The following UNC79 variants were observed in gnomAD, a reference collection of about 807,000 sequenced individuals.
The protein encoded by UNC79 is protein unc-79 homolog.
Under a neutral mutation model 283.1 loss-of-function variants are expected in UNC79, and 37 were observed. That is an observed-to-expected ratio of 0.13 (90% CI 0.10 to 0.17). The LOEUF (loss-of-function observed/expected upper bound fraction) is 0.17, where lower values mean the gene tolerates loss of function less well. Among genes scored for constraint, UNC79 ranks in the 10% least tolerant of loss-of-function variants. The probability of loss-of-function intolerance (pLI) is 1.00; values close to 1 mark genes in which losing one functional copy is unlikely to be tolerated. For synonymous variants in UNC79, 1,107 were observed against 1,200.2 expected (o/e 0.92, Z 1.61); for missense variants, 2,272 against 3,211.1 (o/e 0.71, Z 7.07).
chr14:93,385,773 T>TC lies in UNC79; in HGVS notation c.-351+52254dup, dbSNP rs111459551. Reference sequence around the variant, plus strand: ...CAGCCTGGGTGATGGAGCAAGACTGTCCCCAAAAAAAAAAAAAAAAGATAC... The same window carrying TC: ...CAGCCTGGGTGATGGAGCAAGACTGTCCCCCAAAAAAAAAAAAAAAAGATAC... On this transcript the variant is annotated intron_variant, in intron 1 of 49. Transcript: ENST00000256339. Among the ~76,000 whole-genome samples, 10 of 138,220 alleles carry TC rather than the reference T, an allele frequency of 7.2e-5. No individual in the cohort carries two copies. In the South Asian group the frequency reaches 1.8e-3, roughly 25 times the overall value. The allele number at this position is 138,220 out of a possible 152,430, so 90.7% of individuals were successfully genotyped here.
chr14:93,621,480 ACTTGGCC>A lies in UNC79; in HGVS notation c.4388-140_4388-134del. The A allele has an allele frequency of 9.0e-7, 1 of 1,109,924 alleles. No individual in the cohort carries two copies. Among genetic ancestry groups the A allele is most frequent in the South Asian group, 2.3e-5 (1 of 43,134 alleles). 68.8% of individuals were successfully genotyped at this position (1,109,924 alleles called of 1,614,324 possible). A position where few individuals can be genotyped will look rare whatever the true frequency, so the allele number is the denominator to read the frequency against. On this transcript the variant is annotated intron_variant, in intron 29 of 48. Coordinates refer to ENST00000555664, the Ensembl canonical transcript of UNC79. The surrounding 1 kb of genome is among the most constrained non-coding windows in gnomAD (Gnocchi z 4.8). ...TGAAATTAGAACGAACCTTACAAAAACTTGGCCAGAAAGTTCGTTTTCCCTCCTGGTG... is the reference window on the plus strand; with the variant it reads ...TGAAATTAGAACGAACCTTACAAAAAAGAAAGTTCGTTTTCCCTCCTGGTG...
intron 35 of UNC79, among the ~76,000 whole-genome samples, chr14:93,648,753 T>C (rs1690199354): frequency 6.6e-6 from 1 of 152,164 alleles, no homozygotes. Context: ...TTAACCTGAT[T>C]ATGCACATAG....
intron 1 of UNC79, among the ~76,000 whole-genome samples, chr14:93,378,469 AGT>A (rs2054603837): frequency 6.6e-6 from 1 of 152,132 alleles, no homozygotes; most frequent in Admixed American, 6.5e-5. Flanking sequence ...TAGGACCAGA[AGT>A]GTTTCAGATT....
chr14:93,458,187 G>A (rs527858510), intron 1 of UNC79, among the ~76,000 whole-genome samples: 19 of 152,116 alleles, frequency 1.2e-4, no homozygotes, highest in Non-Finnish European at 2.2e-4. Flanking sequence ...GCTTTATGTC[G>A]TGCAAGAAGA....
intron 1 of UNC79, among the ~76,000 whole-genome samples, chr14:93,350,897 A>G (rs1346689083): frequency 2.6e-5 from 4 of 152,228 alleles, no homozygotes; most frequent in African/African-American, 7.2e-5. Context: ...TAAAAAAGCA[A>G]TGTTTACCTC....
intron 7 of UNC79, among the ~76,000 whole-genome samples, chr14:93,518,547 A>G (rs1172636351): frequency 2.6e-5 from 4 of 151,674 alleles, no homozygotes; most frequent in Non-Finnish European, 4.4e-5. Flanking sequence ...TCTGATTTCA[A>G]TTTCATTGAT....
intron 7 of UNC79, among the ~76,000 whole-genome samples, chr14:93,513,644 TTTA>T (rs1419107331): frequency 4.6e-5 from 7 of 152,146 alleles, no homozygotes. Flanking sequence ...ACCTCAAGGA[TTTA>T]TTATTTCTAT....
chr14:93,499,269 T>C (rs1367826755), intron 7 of UNC79, among the ~76,000 whole-genome samples: 1 of 152,186 alleles, frequency 6.6e-6, no homozygotes, highest in Non-Finnish European at 1.5e-5. Context: ...AGTGAATGAT[T>C]TGAATGTAAA....
chr14:93,671,374 G>A (rs1280441988), intron 40 of UNC79, among the ~76,000 whole-genome samples: 1 of 152,142 alleles, frequency 6.6e-6, no homozygotes, highest in Non-Finnish European at 1.5e-5. Flanking sequence ...TGTATAGGTA[G>A]CTTCAGCTGT....
chr14:93,354,001 G>T (rs911426458), intron 1 of UNC79, among the ~76,000 whole-genome samples: 1 of 152,182 alleles, frequency 6.6e-6, no homozygotes, highest in African/African-American at 2.4e-5. Context: ...TTAAACTGGG[G>T]GAGGAGGGAG....
chr14:93,484,180 TC>T (rs968984859), intron 4 of UNC79, among the ~76,000 whole-genome samples: 46 of 152,204 alleles, frequency 3.0e-4, no homozygotes, highest in African/African-American at 1.1e-3. Flanking sequence ...CCACATCCTC[TC>T]CAGCACCTGT....
chr14:93,701,071 C>A lies in UNC79; in HGVS notation c.7549-3554C>A, dbSNP rs928212431. Among the ~76,000 whole-genome samples, 3 of 152,138 alleles carry A rather than the reference C, an allele frequency of 2.0e-5. No individual in the cohort carries two copies. In the East Asian group the frequency reaches 5.8e-4, roughly 29 times the overall value. ...GAAAACTGTAGTCACTTTGACCTCC[C>A]AGGGCTCCTGGCTACCTCTCCTCAC... On this transcript the variant is annotated intron_variant, in intron 47 of 48. Transcript: ENST00000555664.
At chr14:93,549,899 A>G (rs1191401112) in intron 14 of UNC79, among the ~76,000 whole-genome samples, 2 of 152,240 alleles carry the variant, frequency 1.3e-5, no homozygotes, top group East Asian at 3.8e-4. Context: ...CAAACTTAGA[A>G]TATGTAAGAA....
chr14:93,446,992 G>C (rs1333813616), intron 1 of UNC79, among the ~76,000 whole-genome samples: 1 of 152,098 alleles, frequency 6.6e-6, no homozygotes, highest in Non-Finnish European at 1.5e-5. Context: ...GCAGTCTTTA[G>C]ATTATGGAAT....
intron 1 of UNC79, among the ~76,000 whole-genome samples, chr14:93,340,441 C>CAAAAAAAAAA: frequency 1.6e-5 from 1 of 64,446 alleles, no homozygotes; most frequent in Non-Finnish European, 3.1e-5. Flanking sequence ...AACGCTGTCT[C>CAAAAAAAAAA]AAAAAAAAAA....
intron 1 of UNC79, among the ~76,000 whole-genome samples, chr14:93,345,942 A>T (rs1442955147): frequency 6.6e-6 from 1 of 151,352 alleles, no homozygotes; most frequent in East Asian, 1.9e-4. Context: ...CAAAGGAATG[A>T]CAACTATATT....
chr14:93,432,313 A>G (rs114625378), intron 1 of UNC79, among the ~76,000 whole-genome samples: 1 of 152,130 alleles, frequency 6.6e-6, no homozygotes, highest in Non-Finnish European at 1.5e-5. Flanking sequence ...TTACTTCTTT[A>G]TGTTTTTTTG....
In UNC79 at chr14:93,496,119, C is replaced by G. The variant is rs112248608; in HGVS notation, c.713-292C>G. Among the ~76,000 whole-genome samples, 1,336 of 152,154 alleles carry G rather than the reference C, an allele frequency of 8.8e-3. 26 individuals are homozygous for G. The highest frequency in any genetic ancestry group is 0.03 in the African/African-American group (1,266 of 41,528). ...GGCTAGTTTTTTTTCTTATGTAGAT[C>G]TTATGTTGATACAAGTTTATTTTAT... On this transcript the variant is annotated intron_variant, in intron 5 of 48. Coordinates refer to ENST00000555664, the Ensembl canonical transcript of UNC79.
intron 24 of UNC79, among the ~76,000 whole-genome samples, chr14:93,599,484 G>A (rs1248957122): frequency 1.3e-5 from 2 of 152,102 alleles, no homozygotes; most frequent in Non-Finnish European, 2.9e-5. Context: ...AGACTGAAGG[G>A]TTATGCTGCC....
Sources: allele counts gnomAD v4.1 joint callset (sites outside exome capture counted in the v4.1 genomes callset), GRCh38; gene constraint gnomAD v4.1.1; non-coding constraint Gnocchi (gnomAD v3.1); transcripts MANE v1.5; gene names NCBI Gene and HGNC (gene_info 2026-07-23, HGNC 2026-07-21).